NLRP1: variants seen among roughly 807,000 people sequenced by gnomAD.
NLRP1 encodes NACHT, LRR and PYD domains-containing protein 1.
A neutral mutation model predicts 136.7 loss-of-function variants in NLRP1; 94 were observed. That is an observed-to-expected ratio of 0.69 (90% CI 0.58 to 0.82). The LOEUF (loss-of-function observed/expected upper bound fraction) is 0.82, where lower values mean the gene tolerates loss of function less well. Among genes scored for constraint, NLRP1 ranks in the 40% least tolerant of loss-of-function variants. The probability of loss-of-function intolerance (pLI) is 0.00; values close to 1 mark genes in which losing one functional copy is unlikely to be tolerated. For synonymous variants in NLRP1, 690 were observed against 725.1 expected, an observed-to-expected ratio of 0.95 and a Z score of 0.78; for missense variants, 1,575 against 1,802.7, an observed-to-expected ratio of 0.87 and a Z score of 2.29.
intron 3 of NLRP1, among the ~76,000 whole-genome samples, chr17:5,565,004 T>C (rs900632121): frequency 6.6e-6 from 1 of 152,180 alleles, no homozygotes; most frequent in African/African-American, 2.4e-5. Flanking sequence ...CCCAAAGTGC[T>C]GGGATTACAG....
At chr17:5,560,860 C>T (rs1379060303) in intron 3 of NLRP1, among the ~76,000 whole-genome samples, 1 of 152,240 alleles carries the variant, frequency 6.6e-6, no homozygotes, top group Non-Finnish European at 1.5e-5. Flanking sequence ...TCCGGGCGAG[C>T]CCGACCTGAG....
At chr17:5,506,544 A>C (rs1253969076) in intron 15 of NLRP1, among the ~76,000 whole-genome samples, 1 of 152,212 alleles carries the variant, frequency 6.6e-6, no homozygotes, top group Non-Finnish European at 1.5e-5. Flanking sequence ...ACAGATGAAC[A>C]GATAACCAAA....
chr17:5,546,421 G>C (rs1254526199), intron 5 of NLRP1, among the ~76,000 whole-genome samples: 1 of 152,040 alleles, frequency 6.6e-6, no homozygotes, highest in African/African-American at 2.4e-5. Context: ...GGAGGCCAAG[G>C]GTCCACCCTC....
intron 4 of NLRP1, among the ~76,000 whole-genome samples, chr17:5,556,784 C>T (rs556412125): frequency 5.9e-5 from 9 of 152,084 alleles, no homozygotes; most frequent in East Asian, 5.8e-4. Flanking sequence ...ACACCATTTT[C>T]GGCTAATTTA....
intron 15 of NLRP1, 94 bp downstream of exon 15, chr17:5,517,652 C>T (rs1313814313): frequency 1.8e-5 from 26 of 1,442,798 alleles, no homozygotes; most frequent in Non-Finnish European, 2.5e-5. Context: ...TCCCAAAGTT[C>T]TGGGATTACA....
At chr17:5,528,365 G>A (rs907485249) in intron 12 of NLRP1, among the ~76,000 whole-genome samples, 6 of 152,090 alleles carry the variant, frequency 3.9e-5, no homozygotes, top group Non-Finnish European at 8.8e-5. Context: ...TTTCTAAATG[G>A]ACCTCTACAA....
downstream of NLRP1, among the ~76,000 whole-genome samples, chr17:5,511,809 T>C (rs1196447128): frequency 7.1e-6 from 1 of 141,316 alleles, no homozygotes; most frequent in African/African-American, 2.6e-5. Context: ...CTCTCTTTCC[T>C]TCCTTCCTTC....
intron 3 of NLRP1, among the ~76,000 whole-genome samples, chr17:5,578,090 AC>A (rs1905202422): frequency 1.3e-5 from 2 of 152,202 alleles, no homozygotes; most frequent in African/African-American, 4.8e-5. Context: ...CCTTCCTTAC[AC>A]CTTATACAAA....
At position 5,583,758 on chromosome 17, in the gene NLRP1, C is replaced by T. The variant is rs1404528106; in HGVS notation, c.200G>A (p.Trp67Ter). The change falls in exon 1 of 17, where the codon TGG becomes TAG. Residue 67 changes from tryptophan to a stop codon, truncating the protein, a stop_gained. Coordinates refer to ENST00000572272, the MANE Select transcript of NLRP1 (RefSeq NM_033004.4). LOFTEE classifies it high-confidence loss of function. The surrounding 1 kb of genome is among the most constrained non-coding windows in gnomAD (Gnocchi z 4.5). ...CTCCCAGGTATGGAGGGCTAGGTCC[C>T]AGGCCCGCTGCTCCCCATACTGAGC... ...LVAQYGEQRA[W>*]DLALHTWEQM... 1 of 1,553,030 alleles carries T rather than the reference C, an allele frequency of 6.4e-7. No homozygotes were observed. Among genetic ancestry groups the T allele is most frequent in the Non-Finnish European group, 8.7e-7 (1 of 1,147,946 alleles).
chr17:5,580,649 C>T (rs1320103003), intron 3 of NLRP1, among the ~76,000 whole-genome samples: 1 of 152,072 alleles, frequency 6.6e-6, no homozygotes, highest in East Asian at 1.9e-4. Flanking sequence ...TTGTTTTTTT[C>T]ACTTTTAAAG....
At chr17:5,561,808 T>C (rs1914790376) in intron 3 of NLRP1, among the ~76,000 whole-genome samples, 2 of 152,226 alleles carry the variant, frequency 1.3e-5, no homozygotes, top group African/African-American at 2.4e-5. Flanking sequence ...GGTTCCCCAC[T>C]TGGACAGCAG....
chr17:5,580,705 T>C (rs1413006048), intron 3 of NLRP1, among the ~76,000 whole-genome samples: 1 of 152,230 alleles, frequency 6.6e-6, no homozygotes, highest in East Asian at 1.9e-4. Context: ...TATGTCTTTA[T>C]ATTCTTCCTA....
intron 5 of NLRP1, among the ~76,000 whole-genome samples, chr17:5,545,695 G>C (rs1300623138): frequency 6.6e-6 from 1 of 152,202 alleles, no homozygotes; most frequent in Non-Finnish European, 1.5e-5. Context: ...TGTGGCCCAA[G>C]AAAGTCCAGA....
At chr17:5,515,144 C>T in intron 16 of NLRP1, 71 bp from the exon 17 acceptor site, 4 of 1,364,204 alleles carry the variant, frequency 2.9e-6, no homozygotes, top group Non-Finnish European at 4.1e-6. Flanking sequence ...GCTTTCCTCT[C>T]TCATCTCTGC....
At chr17:5,515,584 T>C in intron 15 of NLRP1, 67 bp from the exon 16 acceptor site, 1 of 1,212,204 alleles carries the variant, frequency 8.2e-7, no homozygotes, top group Non-Finnish European at 1.2e-6. Context: ...ATGGTACACC[T>C]CCAAGCTCCC....
At position 5,559,482 on chromosome 17, in the gene NLRP1, A is replaced by G; in HGVS notation, c.1214T>C (p.Leu405Pro). The G allele has an allele frequency of 1.2e-6, 2 of 1,614,230 alleles. No homozygotes were observed. Among genetic ancestry groups the G allele is most frequent in the Non-Finnish European group, 1.7e-6 (2 of 1,180,026 alleles). The change falls in exon 4 of 17, where the codon CTG becomes CCG. Residue 405 changes from leucine (L) to proline (P), a missense_variant. By Grantham distance (98) the Leu-to-Pro change is moderately conservative. Transcript: ENST00000572272. ...IRQILSRPER[L>P]LFILDGVDEP... is the part of the protein sequence containing the mutation. ...ATCTACACCATCGAGGATGAAGAGC[A>G]GCCGCTCTGGCCTAGACAGGATCTG...
intron 12 of NLRP1, among the ~76,000 whole-genome samples, chr17:5,525,770 C>T (rs1451615404): frequency 1.3e-5 from 2 of 152,208 alleles, no homozygotes; most frequent in African/African-American, 2.4e-5. Flanking sequence ...CTGATAACAG[C>T]ATCCCCCTCC....
At chr17:5,512,201 C>T (rs770082137), downstream of NLRP1, 25 of 1,254,852 alleles carry the variant, frequency 2.0e-5, no homozygotes, top group Non-Finnish European at 2.7e-5. Context: ...AAATGTTCCA[C>T]AGAGCCATGA....
chr17:5,582,136 T>C, intron 2 of NLRP1, 74 bp from the exon 3 acceptor site: 1 of 1,209,602 alleles, frequency 8.3e-7, no homozygotes, highest in Non-Finnish European at 1.2e-6. Flanking sequence ...TTTTAAACTC[T>C]CACAACAGTC....
Sources: gnomAD v4.1 joint callset for allele counts (sites outside exome capture counted in the v4.1 genomes callset) on GRCh38, gnomAD v4.1.1 for gene constraint, Gnocchi (gnomAD v3.1) non-coding constraint, MANE v1.5 for transcripts, NCBI Gene and HGNC (gene_info 2026-07-23, HGNC 2026-07-21) for gene names.